Variants in PDGFD observed in about 807,000 individuals in gnomAD.
PDGFD encodes platelet derived growth factor D.
PDGFD carries 30 observed loss-of-function variants against 44.7 expected under a neutral mutation model. The ratio of observed to expected loss-of-function variants is 0.67; its 90% CI spans 0.50 to 0.91. PDGFD has a LOEUF of 0.91. Ranked by LOEUF, PDGFD falls within the 40% of genes least tolerant of loss-of-function variation. The pLI, the probability that PDGFD is intolerant of heterozygous loss-of-function variation, is 0.00. For missense variants in PDGFD, 445 were observed against 457.8 expected (o/e 0.97, Z 0.25); for synonymous variants, 173 against 168.4 (o/e 1.03, Z -0.21).
At chr11:104,071,190 AATAAC>A (rs1482744355) in intron 1 of PDGFD, among the ~76,000 whole-genome samples, 1 of 152,000 alleles carries the variant, frequency 6.6e-6, no homozygotes, top group Non-Finnish European at 1.5e-5. Flanking sequence ...TCAGATTTTT[AATAAC>A]ATTTTTGTCT....
At chr11:103,977,774 T>G (rs139242384) in intron 3 of PDGFD, among the ~76,000 whole-genome samples, 273 of 152,176 alleles carry the variant, frequency 1.8e-3, no homozygotes, top group African/African-American at 6.1e-3. Flanking sequence ...TGGGGGACAC[T>G]TGCCACTTAT....
At chr11:104,079,536 T>C (rs361303) in intron 1 of PDGFD, among the ~76,000 whole-genome samples, 71,982 of 151,796 alleles carry the variant, frequency 0.47, 18,966 homozygotes, top group African/African-American at 0.72. Context: ...TACAGGTGCC[T>C]GCCGCCACGC....
intron 1 of PDGFD, among the ~76,000 whole-genome samples, chr11:104,129,033 C>T (rs1470738165): frequency 3.3e-5 from 5 of 152,106 alleles, no homozygotes; most frequent in South Asian, 4.1e-4. Flanking sequence ...TAGTAAACAT[C>T]GCACATGTTC....
chr11:103,996,954 T>C (rs925308788), intron 2 of PDGFD, among the ~76,000 whole-genome samples: 12 of 152,316 alleles, frequency 7.9e-5, no homozygotes, highest in Non-Finnish European at 1.2e-4. Context: ...ACTAGAATCC[T>C]GGGATTCAAG....
intron 1 of PDGFD, among the ~76,000 whole-genome samples, chr11:104,102,041 C>A (rs1237883727): frequency 1.3e-5 from 2 of 152,006 alleles, no homozygotes; most frequent in Non-Finnish European, 2.9e-5. Flanking sequence ...TCTAAAACAC[C>A]AAAAGCAATG....
At chr11:104,148,500 T>G (rs539717525) in intron 1 of PDGFD, among the ~76,000 whole-genome samples, 7 of 152,104 alleles carry the variant, frequency 4.6e-5, no homozygotes, top group Non-Finnish European at 7.4e-5. Flanking sequence ...AGATTTAGTA[T>G]TATAAAAATT....
intron 5 of PDGFD, among the ~76,000 whole-genome samples, chr11:103,929,313 A>T (rs1037293453): frequency 2.0e-5 from 3 of 152,172 alleles, no homozygotes; most frequent in African/African-American, 7.2e-5. Context: ...GACCAGTGTT[A>T]TGAGGGCTGT....
At chr11:103,940,348 CATGAA>C (rs1458452756) in intron 5 of PDGFD, among the ~76,000 whole-genome samples, 2 of 152,070 alleles carry the variant, frequency 1.3e-5, no homozygotes, top group East Asian at 3.9e-4. Context: ...TCTTTGCAAT[CATGAA>C]AAATACCACT....
chr11:103,978,562 A>G (rs966305308), intron 3 of PDGFD, among the ~76,000 whole-genome samples: 22 of 152,018 alleles, frequency 1.4e-4, no homozygotes, highest in African/African-American at 5.1e-4. Context: ...GGAATTAAGA[A>G]GCTCCCAGTA....
intron 3 of PDGFD, among the ~76,000 whole-genome samples, chr11:103,961,081 A>T (rs1858928470): frequency 1.3e-5 from 2 of 152,126 alleles, no homozygotes; most frequent in South Asian, 4.1e-4. Flanking sequence ...GTGTCTCTCC[A>T]TTAGGGTGTA....
At chr11:104,102,282 C>T (rs191920572) in intron 1 of PDGFD, among the ~76,000 whole-genome samples, 1,746 of 152,274 alleles carry the variant, frequency 0.011, 29 homozygotes, top group African/African-American at 0.04. Flanking sequence ...TGAACAGACA[C>T]TTCTCAAAAG....
At chr11:104,051,032 T>A (rs760571501) in intron 1 of PDGFD, among the ~76,000 whole-genome samples, 1 of 152,064 alleles carries the variant, frequency 6.6e-6, no homozygotes, top group Non-Finnish European at 1.5e-5. Flanking sequence ...TTAGAGGTAC[T>A]AATGAGCAGC....
intron 1 of PDGFD, among the ~76,000 whole-genome samples, chr11:104,022,998 A>G (rs989715528): frequency 1.3e-5 from 2 of 152,142 alleles, no homozygotes; most frequent in Admixed American, 1.3e-4. Context: ...TGCCCAAGGA[A>G]CAAAACATAT....
chr11:104,035,897 A>G (rs1484668611), intron 1 of PDGFD, among the ~76,000 whole-genome samples: 1 of 152,166 alleles, frequency 6.6e-6, no homozygotes, highest in Non-Finnish European at 1.5e-5. Context: ...TGGTGATACT[A>G]AAGGCAGTAC....
At chr11:104,125,577 T>C (rs921849985) in intron 1 of PDGFD, among the ~76,000 whole-genome samples, 1 of 152,132 alleles carries the variant, frequency 6.6e-6, no homozygotes. Flanking sequence ...ATGTATTATA[T>C]GTACTCAGAC....
chr11:104,043,590 T>C (rs1378559712), intron 1 of PDGFD, among the ~76,000 whole-genome samples: 2 of 152,192 alleles, frequency 1.3e-5, no homozygotes, highest in Non-Finnish European at 2.9e-5. Flanking sequence ...GGAATACCTG[T>C]GGCTGGGTAA....
At chr11:104,147,994 G>T (rs957712653) in intron 1 of PDGFD, among the ~76,000 whole-genome samples, 1 of 152,122 alleles carries the variant, frequency 6.6e-6, no homozygotes, top group African/African-American at 2.4e-5. Context: ...ATTAAACACA[G>T]TTTTTCCCAT....
At chr11:104,157,413 C>T (rs1025307584) in intron 1 of PDGFD, among the ~76,000 whole-genome samples, 5 of 152,186 alleles carry the variant, frequency 3.3e-5, no homozygotes, top group Non-Finnish European at 7.4e-5. Context: ...ACGTCTCTGT[C>T]TAAATTACAC....
chr11:104,005,168 T>C (rs571475771), intron 1 of PDGFD, among the ~76,000 whole-genome samples: 27 of 152,266 alleles, frequency 1.8e-4, no homozygotes, highest in Non-Finnish European at 3.2e-4. Context: ...CGTGAGCCAC[T>C]GTGCCCAAGT....
Sources: gnomAD v4.1 joint callset for allele counts (sites outside exome capture counted in the v4.1 genomes callset) on GRCh38, gnomAD v4.1.1 for gene constraint, MANE v1.5 for transcripts, NCBI Gene and HGNC (gene_info 2026-07-23, HGNC 2026-07-21) for gene names.